Variants in PCSK6 observed in about 807,000 individuals in gnomAD.
PCSK6 encodes the protein paired basic amino acid cleaving enzyme 4.
In PCSK6, 85 loss-of-function variants were observed where a neutral mutation model predicts 123.3. The ratio of observed to expected loss-of-function variants is 0.69; its 90% CI spans 0.58 to 0.83. The LOEUF (loss-of-function observed/expected upper bound fraction) is 0.83, where lower values mean the gene tolerates loss of function less well. Ranked by LOEUF, PCSK6 falls within the 40% of genes least tolerant of loss-of-function variation. PCSK6 has a pLI of 0.00. For synonymous variants in PCSK6, 508 were observed against 516.0 expected (o/e 0.98, Z 0.21); for missense variants, 1,191 against 1,282.3 (o/e 0.93, Z 1.09).
chr15:101,427,832 A>T, intron 6 of PCSK6, 60 bp downstream of exon 6: 1 of 1,313,340 alleles, frequency 7.6e-7, no homozygotes, highest in Non-Finnish European at 1.1e-6. Context: ...GCGGACAGGG[A>T]GCTCCCAGCT....
intron 14 of PCSK6, 47 bp from the exon 15 acceptor site, chr15:101,331,736 G>GA (rs34318939): frequency 0.57 from 908,316 of 1,602,696 alleles, 261,002 homozygotes; most frequent in African/African-American, 0.76. Flanking sequence ...CCAGGCAAGA[G>GA]AGACACACAA....
intron 1 of PCSK6, among the ~76,000 whole-genome samples, chr15:101,470,285 ATC>A (rs1179112987): frequency 5.3e-5 from 8 of 152,276 alleles, no homozygotes; most frequent in African/African-American, 1.4e-4. Flanking sequence ...CATCTTATTT[ATC>A]TGTCTTTATA....
At chr15:101,393,750 C>T (rs2042308973) in intron 7 of PCSK6, among the ~76,000 whole-genome samples, 1 of 152,218 alleles carries the variant, frequency 6.6e-6, no homozygotes, top group Admixed American at 6.5e-5. Context: ...CCTGTCATTT[C>T]CATCGCAATG....
At chr15:101,414,167 A>G (rs1045872183) in intron 6 of PCSK6, among the ~76,000 whole-genome samples, 19 of 152,216 alleles carry the variant, frequency 1.2e-4, no homozygotes, top group African/African-American at 3.9e-4. Context: ...AGTGAAAATT[A>G]TCTTGAACTT....
chr15:101,309,317 G>A (rs1004385794), intron 20 of PCSK6, among the ~76,000 whole-genome samples: 4 of 152,204 alleles, frequency 2.6e-5, no homozygotes, highest in East Asian at 1.9e-4. Flanking sequence ...CAGTGCAGAC[G>A]GCTCTCCCTG....
At chr15:101,379,254 G>A (rs1490829062) in intron 11 of PCSK6, among the ~76,000 whole-genome samples, 1 of 152,244 alleles carries the variant, frequency 6.6e-6, no homozygotes, top group South Asian at 2.1e-4. Flanking sequence ...GCTGGGGGTA[G>A]ACAGAGGTTT....
rs539729763 is a variant in PCSK6, at chr15:101,326,434, T to C, written c.2123A>G (p.Asn708Ser). The change falls in exon 16 of 22, where the codon AAT becomes AGT. Residue 708 changes from asparagine to serine, a missense_variant. Physicochemically the swap from Asn to Ser is conservative, Grantham distance 46 (BLOSUM62 1). Around this residue, in one of 3 missense-constraint regions of PCSK6, gnomAD observed 630 missense variants for 631.4 expected, o/e 1.00. Coordinates refer to ENST00000611716, the MANE Select transcript of PCSK6 (RefSeq NM_002570.5). Reference protein sequence around the residue: ...ECGDKGCDGPNADQCLNCVHF... With the variant: ...ECGDKGCDGPSADQCLNCVHF... ...GACGCAGTTCAAGCACTGGTCTGCA[T>C]TGGGGCCATCACAGCCTTTGTCACC... 30 of 1,586,832 alleles carry C rather than the reference T, an allele frequency of 1.9e-5. No individual in the cohort carries two copies. The highest frequency in any genetic ancestry group is 2.3e-5 in the South Asian group (2 of 86,538).
rs533322889 is a variant in PCSK6 at position 101,481,780 on chromosome 15, G to A, written c.297+7594C>T. On this transcript the variant is annotated intron_variant, in intron 1 of 21. Coordinates refer to ENST00000611716, the MANE Select transcript of PCSK6 (RefSeq NM_002570.5). Reference sequence around the variant, plus strand: ...CGAGGAGGAGGTTTCAGCAAAAGATGATTAGTCCAGCTGATAAATGTGCAG... The same window carrying A: ...CGAGGAGGAGGTTTCAGCAAAAGATAATTAGTCCAGCTGATAAATGTGCAG... Among the ~76,000 whole-genome samples the A allele has an allele frequency of 1.3e-3, 195 of 152,346 alleles. 1 individual carries two copies. The highest frequency in any genetic ancestry group is 4.6e-3 in the African/African-American group (190 of 41,582).
intron 13 of PCSK6, among the ~76,000 whole-genome samples, chr15:101,340,970 G>T: frequency 7.0e-6 from 1 of 143,600 alleles, no homozygotes; most frequent in African/African-American, 2.6e-5. Context: ...TTTTGAGACA[G>T]AGTCACCCAG....
chr15:101,338,176 A>G (rs1244639392), intron 13 of PCSK6, among the ~76,000 whole-genome samples: 1 of 152,162 alleles, frequency 6.6e-6, no homozygotes, highest in African/African-American at 2.4e-5. Flanking sequence ...CAGTTACTTG[A>G]TAAGAATCAC....
intron 6 of PCSK6, among the ~76,000 whole-genome samples, chr15:101,426,469 C>G (rs1037970748): frequency 2.0e-5 from 3 of 152,210 alleles, no homozygotes; most frequent in African/African-American, 7.2e-5. Context: ...TTATATATCT[C>G]AGTTTGCAAG....
chr15:101,474,150 C>T (rs2057671147), intron 1 of PCSK6, among the ~76,000 whole-genome samples: 1 of 152,174 alleles, frequency 6.6e-6, no homozygotes, highest in African/African-American at 2.4e-5. Flanking sequence ...TCAAGAGGAA[C>T]ACAAATTGGG....
At chr15:101,428,034 T>C (rs1350803089) in intron 5 of PCSK6, 54 bp from the exon 6 acceptor site, 1 of 1,395,418 alleles carries the variant, frequency 7.2e-7, no homozygotes, top group East Asian at 2.5e-5. Context: ...TTTCAGTGAA[T>C]TCAGTGCCTG....
rs116197681 is a variant in PCSK6, at chr15:101,370,470, G to T, written c.1586C>A (p.Ala529Glu). 1 of 1,548,432 alleles carries T rather than the reference G, an allele frequency of 6.5e-7. No homozygotes were observed. The highest frequency in any genetic ancestry group is 1.4e-5 in the African/African-American group (1 of 73,084). Residue 529 changes from alanine to glutamate, a missense_variant, in exon 12 of 22, where the codon GCG (alanine) becomes GAG (glutamate). Physicochemically the swap from Ala to Glu is moderately radical, Grantham distance 107. This residue lies in a region of PCSK6 where 630 missense variants were observed against 631.4 expected (regional missense o/e 1.00). Coordinates refer to ENST00000611716, the MANE Select transcript of PCSK6 (RefSeq NM_002570.5). The part of the protein sequence containing the change: ...LRTTALTSAC[A>E]EHSDQRVVYL... ...GACCACCCGCTGGTCCGAGTGCTCC[G>T]CGCAGGCGCTGGTCAGGGCCGTAGT...
intron 6 of PCSK6, among the ~76,000 whole-genome samples, chr15:101,400,684 T>C (rs971782443): frequency 5.3e-5 from 8 of 152,198 alleles, no homozygotes; most frequent in African/African-American, 1.9e-4. Flanking sequence ...TGTGCTCTTT[T>C]GATGGAAACT....
intron 13 of PCSK6, among the ~76,000 whole-genome samples, chr15:101,350,365 C>T (rs2040858061): frequency 6.6e-6 from 1 of 152,120 alleles, no homozygotes; most frequent in Admixed American, 6.5e-5. Flanking sequence ...CATTTTAAGG[C>T]TATAACACAG....
intron 1 of PCSK6, among the ~76,000 whole-genome samples, chr15:101,469,333 T>C (rs2057544860): frequency 6.6e-6 from 1 of 152,104 alleles, no homozygotes; most frequent in African/African-American, 2.4e-5. Context: ...ACAGTGAGCA[T>C]TTGTAGTTTA....
intron 11 of PCSK6, among the ~76,000 whole-genome samples, chr15:101,376,582 G>A (rs1195933386): frequency 2.0e-5 from 3 of 152,212 alleles, no homozygotes; most frequent in African/African-American, 2.4e-5. Flanking sequence ...TTCAGTGTTC[G>A]TGGTGACTTT....
chr15:101,436,586 C>G (rs1035081090), intron 2 of PCSK6, among the ~76,000 whole-genome samples: 3 of 152,210 alleles, frequency 2.0e-5, no homozygotes, highest in Non-Finnish European at 2.9e-5. Context: ...CAGGAGCCAC[C>G]AAGCTCCAAA....
Sources: gnomAD v4.1 joint callset for allele counts (sites outside exome capture counted in the v4.1 genomes callset) on GRCh38, gnomAD v4.1.1 for gene constraint, gnomAD v4.1.1 regional missense constraint, MANE v1.5 for transcripts, NCBI Gene and HGNC (gene_info 2026-07-23, HGNC 2026-07-21) for gene names.